Variants in MYO7B observed in about 807,000 individuals in gnomAD.
The protein encoded by MYO7B is unconventional myosin-VIIb.
A neutral mutation model predicts 259.7 loss-of-function variants in MYO7B; 212 were observed. The observed-to-expected ratio is 0.82, with a 90% confidence interval of 0.73 to 0.91. MYO7B has a LOEUF of 0.91. Among genes scored for constraint, MYO7B ranks in the 40% least tolerant of loss-of-function variants. The pLI is 0.00. For synonymous variants in MYO7B, 1,197 were observed against 1,166.4 expected, an observed-to-expected ratio of 1.03 and a Z score of -0.54; for missense variants, 2,732 against 2,813.5, an observed-to-expected ratio of 0.97 and a Z score of 0.66.
chr2:127,568,887 A>G (rs1450591258), intron 5 of MYO7B, among the ~76,000 whole-genome samples: 1 of 150,664 alleles, frequency 6.6e-6, no homozygotes, highest in African/African-American at 2.5e-5. Context: ...CAACAACAGC[A>G]AGACTCCGTC....
chr2:127,596,550 G>A lies in MYO7B; in HGVS notation c.2333G>A (p.Arg778Lys). Residue 778 changes from arginine to lysine, a missense_variant, in exon 19 of 48, where the codon AGA becomes AAA. Transcript: ENST00000409816. ...ATCCAGAAAGTCCTTCGGGGCTACA[G>A]ATACAGGTGCCGGCCCCACCCCAAG... ...LSIQKVLRGY[R>K]YRKEFLRQRR... is the part of the protein sequence containing the mutation. 6.2e-7 allele frequency: 1 copy of A among 1,611,148 alleles called. No individual in the cohort carries two copies. The highest frequency in any genetic ancestry group is 1.3e-5 in the African/African-American group (1 of 74,990).
rs1679313304 is a variant in MYO7B, at chr2:127,586,564, A to C, written c.1690+1651A>C. ...CCACATCCTGGCTTTGGGCTCTTGG[A>C]AAAGGGAGAGGCTGGAGCCAGTCGG... On this transcript the variant is annotated intron_variant, in intron 14 of 47. Coordinates refer to ENST00000409816, the MANE Select transcript of MYO7B (RefSeq NM_001393586.1). The surrounding 1 kb of genome is among the most constrained non-coding windows in gnomAD (Gnocchi z 4.8). Among the ~76,000 whole-genome samples, 1 of 152,250 alleles carries C rather than the reference A, an allele frequency of 6.6e-6. No individual in the cohort carries two copies. The highest frequency in any genetic ancestry group is 1.9e-4 in the East Asian group (1 of 5,174).
intron 11 of MYO7B, 89 bp downstream of exon 11, chr2:127,582,099 G>C (rs1679126204): frequency 6.3e-7 from 1 of 1,584,388 alleles, no homozygotes; most frequent in Non-Finnish European, 8.6e-7. Flanking sequence ...GGATGGAGCA[G>C]AGGGCCCTGG....
chr2:127,634,938 G>C, intron 42 of MYO7B, 182 bp from the exon 43 acceptor site: 1 of 648,808 alleles, frequency 1.5e-6, no homozygotes. Context: ...GCGAGTCCAG[G>C]AATGTTCCTG....
intron 1 of MYO7B, among the ~76,000 whole-genome samples, chr2:127,555,179 C>G (rs768970903): frequency 6.6e-6 from 1 of 152,090 alleles, no homozygotes; most frequent in Non-Finnish European, 1.5e-5. Context: ...GAACCCCTGA[C>G]CTCGTGACCC....
chr2:127,615,744 C>T lies in MYO7B; in HGVS notation c.3398+3141C>T, dbSNP rs149342335. 2.8e-4 allele frequency among the ~76,000 whole-genome samples: 43 copies of T among 151,930 alleles called. No individual in the cohort carries two copies. The East Asian group carries it at 5.8e-3, about 20-fold the overall frequency. On this transcript the variant is annotated intron_variant, in intron 26 of 47. Coordinates refer to ENST00000409816, the MANE Select transcript of MYO7B (RefSeq NM_001393586.1). This position sits in a 1 kb window ranked among gnomAD's most constrained non-coding sequence, Gnocchi z 4.4. ...TAGCCTCCAGTGGTATACTAGATCA[C>T]GACTCTCACTCTTTCGGCCTGCAAC...
chr2:127,630,417 A>G (rs554381325), intron 35 of MYO7B, among the ~76,000 whole-genome samples: 1 of 152,192 alleles, frequency 6.6e-6, no homozygotes. Context: ...ATTTGTGCTG[A>G]GGCCTGAAGT....
chr2:127,593,406 T>TTGTGCC (rs1679644747), intron 17 of MYO7B, 140 bp from the exon 18 acceptor site: 2 of 774,314 alleles, frequency 2.6e-6, no homozygotes, highest in African/African-American at 3.5e-5. Context: ...GAGGTTCCCG[T>TTGTGCC]TGTGCCTGTG....
At chr2:127,542,213 C>T (rs936055964) in intron 1 of MYO7B, among the ~76,000 whole-genome samples, 1 of 152,240 alleles carries the variant, frequency 6.6e-6, no homozygotes, top group Non-Finnish European at 1.5e-5. Flanking sequence ...GGGTGTTAGA[C>T]TCCCTTCCAG....
chr2:127,558,195 A>G (rs2104840201), intron 1 of MYO7B, among the ~76,000 whole-genome samples: 1 of 152,360 alleles, frequency 6.6e-6, no homozygotes, highest in African/African-American at 2.4e-5. Context: ...AAGGTTATGA[A>G]TAGACAATTC....
intron 19 of MYO7B, among the ~76,000 whole-genome samples, chr2:127,602,992 C>T (rs1680023282): frequency 6.7e-6 from 1 of 150,300 alleles, no homozygotes; most frequent in African/African-American, 2.5e-5. Flanking sequence ...AGAGTGAGAC[C>T]TTGTCTCAAA....
intron 16 of MYO7B, among the ~76,000 whole-genome samples, chr2:127,592,430 T>A (rs1206598160): frequency 3.3e-5 from 5 of 152,270 alleles, no homozygotes; most frequent in African/African-American, 7.2e-5. Context: ...AAAATTTTTT[T>A]AAAAAAAGCA....
At chr2:127,602,955 G>A (rs192949574) in intron 19 of MYO7B, among the ~76,000 whole-genome samples, 5 of 150,732 alleles carry the variant, frequency 3.3e-5, no homozygotes, top group African/African-American at 9.8e-5. Context: ...AGCCGAGATT[G>A]CACCACTGTA....
At chr2:127,574,199 A>C in intron 7 of MYO7B, 137 bp downstream of exon 7, 1 of 1,144,746 alleles carries the variant, frequency 8.7e-7, no homozygotes, top group Non-Finnish European at 1.2e-6. Flanking sequence ...CTGGATAATG[A>C]GGGCCCTTCC....
intron 40 of MYO7B, 66 bp downstream of exon 40, chr2:127,633,429 C>T: frequency 6.8e-7 from 1 of 1,469,650 alleles, no homozygotes; most frequent in Non-Finnish European, 9.4e-7. Flanking sequence ...CATCCTCCTT[C>T]CTGGCCCAGC....
Position 127,609,603 on chromosome 2 carries a change from A to C in MYO7B, c.2912A>C (p.Tyr971Ser). ...PEEDVDGLAE[Y>S]TFPKFAVTYF... ...GAGGATGTGGATGGCCTGGCCGAGT[A>C]CACCTTCCCCAAGTTTGCTGTGACT... The change falls in exon 23 of 48, where the codon TAC (tyrosine) becomes TCC (serine). Residue 971 changes from tyrosine (Y) to serine (S), a missense_variant. Coordinates refer to ENST00000409816, the MANE Select transcript of MYO7B (RefSeq NM_001393586.1). This position sits in a 1 kb window ranked among gnomAD's most constrained non-coding sequence, Gnocchi z 6.9. 6.2e-7 allele frequency: 1 copy of C among 1,613,974 alleles called. No homozygotes were observed. Among genetic ancestry groups the C allele is most frequent in the African/African-American group, 1.3e-5 (1 of 75,040 alleles).
rs567240186 is a variant in MYO7B at position 127,630,917 on chromosome 2, C to G, written c.4937+9C>G. ...TCCTATGAGTTCTTCAGGTGCCCCC[C>G]AGCCCCGCTCCGCCTCATTGCACCC... On this transcript the variant is annotated intron_variant, in intron 36 of 47. Coordinates refer to ENST00000409816, the MANE Select transcript of MYO7B (RefSeq NM_001393586.1). The G allele has an allele frequency of 1.9e-6, 3 of 1,558,098 alleles. No individual in the cohort carries two copies. In the African/African-American group the frequency reaches 4.1e-5, roughly 21 times the overall value.
rs147949489 is a variant in MYO7B, at chr2:127,593,588, G to A, written c.2188G>A (p.Val730Met). 333 of 1,613,714 alleles carry A rather than the reference G, an allele frequency of 2.1e-4. No individual in the cohort carries two copies. In the African/African-American group the frequency reaches 3.6e-3, roughly 17 times the overall value. ...CCAGATGACCCTGGGCATCACTGAC[G>A]TGTGGCTGCGGACAGACAAAGACTG... is the stretch of plus-strand genomic sequence containing the variant. Reference protein sequence around the residue: ...LRQMTLGITDVWLRTDKDWKA... With the variant: ...LRQMTLGITDMWLRTDKDWKA... Residue 730 changes from valine to methionine, a missense_variant, in exon 18 of 48, where the codon GTG (valine) becomes ATG (methionine). Val to Met is a conservative substitution (Grantham distance 21). Transcript: ENST00000409816.
intron 19 of MYO7B, among the ~76,000 whole-genome samples, chr2:127,603,316 T>C (rs1338061652): frequency 1.6e-4 from 24 of 152,218 alleles, no homozygotes. Context: ...AGAATTACTA[T>C]CTATGGCAGC....
Sources: allele counts gnomAD v4.1 joint callset (sites outside exome capture counted in the v4.1 genomes callset), GRCh38; gene constraint gnomAD v4.1.1; non-coding constraint Gnocchi (gnomAD v3.1); transcripts MANE v1.5; gene names NCBI Gene and HGNC (gene_info 2026-07-23, HGNC 2026-07-21).